Variants in PPP4R3B observed in about 807,000 individuals in gnomAD.
PPP4R3B encodes protein phosphatase 4 regulatory subunit 3B.
PPP4R3B carries 52 observed loss-of-function variants against 95.4 expected under a neutral mutation model. The observed-to-expected ratio is 0.54, with a 90% CI of 0.44 to 0.69. The LOEUF (loss-of-function observed/expected upper bound fraction) is 0.69. Ranked by LOEUF, PPP4R3B falls within the 30% of genes least tolerant of loss-of-function variation. The pLI is 0.00. For synonymous variants in PPP4R3B, 407 were observed against 343.9 expected, an observed-to-expected ratio of 1.18 and a Z score of -2.03; for missense variants, 1,003 against 1,005.9, an observed-to-expected ratio of 1.00 and a Z score of 0.04.
rs1695111600 is a variant in PPP4R3B at position 55,617,366 on chromosome 2, G to A, written c.-81C>T. 2 of 1,394,232 alleles carry A rather than the reference G, an allele frequency of 1.4e-6. No individual in the cohort carries two copies. The highest frequency in any genetic ancestry group is 1.5e-5 in the African/African-American group (1 of 68,336). 86.4% of individuals were successfully genotyped at this position (1,394,232 alleles called of 1,614,324 possible). A position where few individuals can be genotyped will look rare whatever the true frequency, so the allele number is the denominator to read the frequency against. ...CTCCTCACTCTTAGGAGACGGTAAAGGCAGTAGTGGCGGTGGCGGCGGCGG... is the reference window on the plus strand; with the variant it reads ...CTCCTCACTCTTAGGAGACGGTAAAAGCAGTAGTGGCGGTGGCGGCGGCGG... On this transcript the variant is annotated 5_prime_UTR_variant, in exon 1 of 17. Transcript: ENST00000616407.
chr2:55,564,870 TA>T (rs778342001), intron 14 of PPP4R3B, 31 bp downstream of exon 14: 2 of 1,591,826 alleles, frequency 1.3e-6, no homozygotes, highest in East Asian at 4.5e-5. Flanking sequence ...CACAGTTTTG[TA>T]GGCTATAAAA....
intron 3 of PPP4R3B, among the ~76,000 whole-genome samples, chr2:55,603,299 T>G (rs1400802361): frequency 6.6e-6 from 1 of 152,144 alleles, no homozygotes; most frequent in Non-Finnish European, 1.5e-5. Context: ...AAGTAGGTGT[T>G]GACATATAGG....
rs925901867 is a variant in PPP4R3B at position 55,577,434 on chromosome 2, A to G, written c.1565-78T>C. The stretch of plus-strand genomic sequence containing the variant: ...ATTTCCCTAGTACTTTATAATATAC[A>G]ATGCATGTCTTCAATCATAATCTCC... On this transcript the variant is annotated intron_variant, in intron 10 of 16. Coordinates refer to ENST00000616407, the MANE Select transcript of PPP4R3B (RefSeq NM_001122964.3). The G allele has an allele frequency of 1.0e-5, 13 of 1,248,326 alleles. No individual in the cohort carries two copies. The African/African-American group carries it at 1.7e-4, about 17-fold the overall frequency. 77.3% of individuals were successfully genotyped at this position (1,248,326 alleles called of 1,614,324 possible).
At position 55,585,171 on chromosome 2, in the gene PPP4R3B, A is replaced by C; in HGVS notation, c.1117-4T>G. On this transcript the variant is annotated splice_polypyrimidine_tract_variant and splice_region_variant and intron_variant, in intron 6 of 16. Coordinates refer to ENST00000616407, the MANE Select transcript of PPP4R3B (RefSeq NM_001122964.3). ...TGACTTGCAAATCATCCATGCCCTGATAAAAGGAAAATTAGGTTACTTAGA... is the reference window on the plus strand; with the variant it reads ...TGACTTGCAAATCATCCATGCCCTGCTAAAAGGAAAATTAGGTTACTTAGA... 1 of 1,583,748 alleles carries C rather than the reference A, an allele frequency of 6.3e-7. No individual in the cohort carries two copies. The highest frequency in any genetic ancestry group is 1.7e-4 in the Middle Eastern group (1 of 6,002).
intron 16 of PPP4R3B, among the ~76,000 whole-genome samples, chr2:55,554,740 G>T (rs566019208): frequency 6.6e-6 from 1 of 152,098 alleles, no homozygotes; most frequent in Non-Finnish European, 1.5e-5. Flanking sequence ...CAAAATTTTT[G>T]AATTTTGAAT....
chr2:55,601,632 G>A (rs1023241126), intron 3 of PPP4R3B, among the ~76,000 whole-genome samples: 17 of 151,750 alleles, frequency 1.1e-4, no homozygotes, highest in South Asian at 2.1e-4. Context: ...CTCCTGCCTC[G>A]GCCTCCCAAA....
intron 16 of PPP4R3B, among the ~76,000 whole-genome samples, chr2:55,558,455 A>G (rs1686137297): frequency 6.6e-6 from 1 of 152,110 alleles, no homozygotes; most frequent in Non-Finnish European, 1.5e-5. Flanking sequence ...TAAAAATACA[A>G]AAATTAGCTG....
In PPP4R3B at chr2:55,547,529, G is replaced by A. The variant is rs925300673; in HGVS notation, c.*2382C>T. 1.3e-4 allele frequency: 20 copies of A among 152,158 alleles called. No individual in the cohort carries two copies. The highest frequency in any genetic ancestry group is 1.0e-3 in the Admixed American group (16 of 15,276). 9.4% of individuals were successfully genotyped at this position (152,158 alleles called of 1,614,324 possible). ...TTTTAAGCCTTGTTCTCTTATCGTC[G>A]TAGGTAAGCACTTGTACCATGAAAA... On this transcript the variant is annotated 3_prime_UTR_variant, in exon 17 of 17. Transcript: ENST00000616407.
chr2:55,602,272 G>A lies in PPP4R3B; in HGVS notation c.297+1706C>T, dbSNP rs929948746. 1.2e-4 allele frequency among the ~76,000 whole-genome samples: 18 copies of A among 152,224 alleles called. No homozygotes were observed. In the South Asian group the frequency reaches 3.1e-3, roughly 26 times the overall value. On this transcript the variant is annotated intron_variant, in intron 3 of 16. Transcript: ENST00000616407. ...TCTCTGTCTGTGATATAAATCCTAC[G>A]CTAAATGTAGATGCTCACACAAATA... is the stretch of plus-strand genomic sequence containing the variant.
At chr2:55,564,288 G>A (rs889815634) in intron 15 of PPP4R3B, 25 bp downstream of exon 15, 2 of 1,597,430 alleles carry the variant, frequency 1.3e-6, no homozygotes, top group East Asian at 4.5e-5. Flanking sequence ...AGGGTACACT[G>A]TGCAAAAATT....
At chr2:55,615,528 A>T (rs776169887) in intron 1 of PPP4R3B, 22 bp from the exon 2 acceptor site, 2 of 1,491,124 alleles carry the variant, frequency 1.3e-6, no homozygotes, top group South Asian at 1.2e-5. Context: ...AAAATAATAC[A>T]TCATAAGTCT....
intron 2 of PPP4R3B, among the ~76,000 whole-genome samples, chr2:55,606,790 C>T (rs1178511178): frequency 6.7e-6 from 1 of 148,886 alleles, no homozygotes; most frequent in Non-Finnish European, 1.5e-5. Flanking sequence ...TCATTGCACT[C>T]CAGCCTGGGG....
At chr2:55,596,119 A>G (rs2103617295) in intron 4 of PPP4R3B, among the ~76,000 whole-genome samples, 1 of 152,300 alleles carries the variant, frequency 6.6e-6, no homozygotes, top group Middle Eastern at 3.4e-3. Context: ...CCCAATAATA[A>G]CAGTATCTCT....
chr2:55,589,247 A>G (rs1216688688), intron 4 of PPP4R3B, among the ~76,000 whole-genome samples: 2 of 152,224 alleles, frequency 1.3e-5, no homozygotes, highest in African/African-American at 4.8e-5. Context: ...CACTTAACTT[A>G]GATTCTCTAG....
chr2:55,556,195 G>A (rs1558937920), intron 16 of PPP4R3B, among the ~76,000 whole-genome samples: 1 of 152,156 alleles, frequency 6.6e-6, no homozygotes, highest in Non-Finnish European at 1.5e-5. Context: ...GTCAACTCCT[G>A]TCTTGCTTAA....
At chr2:55,587,782 G>A (rs1690363772) in intron 5 of PPP4R3B, among the ~76,000 whole-genome samples, 1 of 152,060 alleles carries the variant, frequency 6.6e-6, no homozygotes, top group South Asian at 2.1e-4. Context: ...CTGGTTTAAG[G>A]ACTGAAATGT....
chr2:55,591,661 T>G, intron 4 of PPP4R3B: 1 of 984,870 alleles, frequency 1.0e-6, no homozygotes. Context: ...GAATTCTTCT[T>G]ATATGATTCG....
intron 1 of PPP4R3B, among the ~76,000 whole-genome samples, chr2:55,616,083 G>A (rs1239212040): frequency 6.6e-6 from 1 of 151,730 alleles, no homozygotes; most frequent in East Asian, 1.9e-4. Context: ...AAGGAATGAG[G>A]AGACTAGATG....
chr2:55,617,274 C>A lies in PPP4R3B; in HGVS notation c.12G>T (p.Thr4=). The part of the protein sequence containing the change: MSD[T]RRRVKVYTLN... ...GGGTATAGACCTTCACTCGCCGCCG[C>A]GTATCCGACATGGTGGCTGCTGTCT... Residue 4 remains threonine, a synonymous_variant, in exon 1 of 17, where the codon ACG becomes ACT. Coordinates refer to ENST00000616407, the MANE Select transcript of PPP4R3B (RefSeq NM_001122964.3). The A allele has an allele frequency of 6.3e-7, 1 of 1,596,900 alleles. No homozygotes were observed.
Sources: gnomAD v4.1 joint callset for allele counts (sites outside exome capture counted in the v4.1 genomes callset) on GRCh38, gnomAD v4.1.1 for gene constraint, MANE v1.5 for transcripts, NCBI Gene and HGNC (gene_info 2026-07-23, HGNC 2026-07-21) for gene names.